TBL1XR1: variants seen among roughly 807,000 people sequenced by gnomAD.
The protein encoded by TBL1XR1 is F-box-like/WD repeat-containing protein TBL1XR1.
In TBL1XR1, 5 loss-of-function variants were observed where a neutral mutation model predicts 66.9. The ratio of observed to expected loss-of-function variants is 0.07; its 90% CI spans 0.04 to 0.16. The LOEUF is 0.16. Among genes scored for constraint, TBL1XR1 ranks in the 10% least tolerant of loss-of-function variants. TBL1XR1 has a pLI of 1.00. For missense variants in TBL1XR1, 238 were observed against 623.2 expected, an observed-to-expected ratio of 0.38 and a Z score of 6.58; for synonymous variants, 210 against 206.0, an observed-to-expected ratio of 1.02 and a Z score of -0.17.
chr3:177,065,118 G>T, intron 2 of TBL1XR1, 96 bp from the exon 3 acceptor site: 1 of 805,474 alleles, frequency 1.2e-6, no homozygotes, highest in Non-Finnish European at 1.8e-6. Context: ...ATTAAATGAT[G>T]TAAAACGAAG....
chr3:177,082,370 A>G (rs1364819557), intron 2 of TBL1XR1, among the ~76,000 whole-genome samples: 1 of 152,082 alleles, frequency 6.6e-6, no homozygotes, highest in Non-Finnish European at 1.5e-5. Context: ...GTACTTCAAA[A>G]AAAAATACCA....
upstream of TBL1XR1, among the ~76,000 whole-genome samples, chr3:177,198,051 G>A (rs1291763942): frequency 2.0e-5 from 3 of 151,918 alleles, no homozygotes; most frequent in African/African-American, 4.8e-5. Context: ...GCGGGCATGT[G>A]GGGGAGTGCG....
At chr3:177,093,616 A>C (rs937181066) in intron 2 of TBL1XR1, among the ~76,000 whole-genome samples, 1 of 152,208 alleles carries the variant, frequency 6.6e-6, no homozygotes, top group African/African-American at 2.4e-5. Flanking sequence ...TACTGGTATA[A>C]AAATAGGCAC....
At chr3:177,197,891 G>T (rs1737124565), upstream of TBL1XR1, among the ~76,000 whole-genome samples, 1 of 149,236 alleles carries the variant, frequency 6.7e-6, no homozygotes, top group South Asian at 2.1e-4. Flanking sequence ...GTGTGCTCGG[G>T]TGTGGGCCGC....
chr3:177,025,817 T>C (rs1713035743), intron 15 of TBL1XR1, among the ~76,000 whole-genome samples: 1 of 152,162 alleles, frequency 6.6e-6, no homozygotes, highest in South Asian at 2.1e-4. Flanking sequence ...CCATTTCCTA[T>C]CTATTGGACC....
chr3:177,145,999 G>C (rs545925048), intron 1 of TBL1XR1, among the ~76,000 whole-genome samples: 9 of 152,200 alleles, frequency 5.9e-5, no homozygotes, highest in Non-Finnish European at 7.3e-5. Context: ...AAGATGCAAG[G>C]ATTGCAATTC....
At position 177,116,085 on chromosome 3, in the gene TBL1XR1, G is replaced by A. The variant is rs1038101189; in HGVS notation, c.-121-17544C>T. Among the ~76,000 whole-genome samples, 4 of 152,104 alleles carry A rather than the reference G, an allele frequency of 2.6e-5. No individual in the cohort carries two copies. The South Asian group carries it at 8.3e-4, about 32-fold the overall frequency. The stretch of plus-strand genomic sequence containing the variant: ...TTCCAACCCAGGCAATAAACCTGAT[G>A]GAATTCATCACACTAAGGGCAATGG... On this transcript the variant is annotated intron_variant, in intron 1 of 15. Transcript: ENST00000457928.
intron 1 of TBL1XR1, among the ~76,000 whole-genome samples, chr3:177,144,075 G>A (rs62296585): frequency 1.7e-3 from 261 of 151,958 alleles, no homozygotes; most frequent in African/African-American, 5.8e-3. Context: ...GAGAAACCCC[G>A]TCTCTACTAA....
chr3:177,138,826 C>T (rs1577284451), intron 1 of TBL1XR1, among the ~76,000 whole-genome samples: 1 of 152,178 alleles, frequency 6.6e-6, no homozygotes, highest in Non-Finnish European at 1.5e-5. Context: ...CTTGGAAGTA[C>T]TGAAGACACC....
In TBL1XR1 at chr3:177,160,473, C is replaced by CA. The variant is rs11303033; in HGVS notation, c.-122+36647dup. ...TGGGCGACAGAGCGAGACTCTGTCTCAAAAAAAAAAAAAAAAGTATCCAAT... is the reference window on the plus strand; with the variant it reads ...TGGGCGACAGAGCGAGACTCTGTCTCAAAAAAAAAAAAAAAAAGTATCCAAT... On this transcript the variant is annotated intron_variant, in intron 1 of 15. Transcript: ENST00000457928. Among the ~76,000 whole-genome samples, 928 of 117,114 alleles carry CA rather than the reference C, an allele frequency of 7.9e-3. 3 individuals are homozygous for CA. The highest frequency in any genetic ancestry group is 0.011 in the African/African-American group (323 of 29,140). The allele number at this position is 117,114 out of a possible 152,430, so 76.8% of individuals were successfully genotyped here. A position where few individuals can be genotyped will look rare whatever the true frequency, so the allele number is the denominator to read the frequency against.
intron 10 of TBL1XR1, among the ~76,000 whole-genome samples, chr3:177,044,502 C>G (rs1048658639): frequency 1.4e-4 from 21 of 152,026 alleles, no homozygotes; most frequent in Admixed American, 6.6e-4. Flanking sequence ...AATCTAATCT[C>G]TGGGGATGGG....
chr3:177,167,734 CAGCCTGACT>C (rs1732994050), intron 1 of TBL1XR1, among the ~76,000 whole-genome samples: 1 of 152,118 alleles, frequency 6.6e-6, no homozygotes, highest in African/African-American at 2.4e-5. Flanking sequence ...AGTTCGAGAC[CAGCCTGACT>C]AACATGGAAA....
intron 1 of TBL1XR1, among the ~76,000 whole-genome samples, chr3:177,135,908 C>G (rs904219944): frequency 1.3e-5 from 2 of 151,566 alleles, no homozygotes; most frequent in Non-Finnish European, 2.9e-5. Context: ...TTGGCCTTCT[C>G]GGATTAACCC....
At chr3:177,146,228 A>G (rs1730219505) in intron 1 of TBL1XR1, among the ~76,000 whole-genome samples, 1 of 152,098 alleles carries the variant, frequency 6.6e-6, no homozygotes, top group South Asian at 2.1e-4. Flanking sequence ...TGGCTTGTAC[A>G]GCAGTACATC....
intron 1 of TBL1XR1, among the ~76,000 whole-genome samples, chr3:177,161,175 T>C (rs1195834511): frequency 6.6e-6 from 1 of 152,212 alleles, no homozygotes; most frequent in African/African-American, 2.4e-5. Flanking sequence ...CCATTTGTTA[T>C]AGTCTAATTT....
intron 14 of TBL1XR1, chr3:177,027,702 C>T (rs187193601): frequency 2.0e-5 from 3 of 152,280 alleles, no homozygotes; most frequent in East Asian, 3.9e-4. Flanking sequence ...AATGTTTGAC[C>T]GAGCTTTCCT....
At chr3:177,153,560 T>C (rs1188776937) in intron 1 of TBL1XR1, among the ~76,000 whole-genome samples, 1 of 152,176 alleles carries the variant, frequency 6.6e-6, no homozygotes, top group Non-Finnish European at 1.5e-5. Flanking sequence ...ATATGTGAAA[T>C]GCAATAATTT....
Position 177,050,143 on chromosome 3 carries a change from A to G in TBL1XR1, c.561-5T>C, listed in dbSNP as rs1407916180. ...CTTGCTGTTGAGTCTCCAGACCTATAAAAGTATGCAATATATTTTAGATCC... is the reference window on the plus strand; with the variant it reads ...CTTGCTGTTGAGTCTCCAGACCTATGAAAGTATGCAATATATTTTAGATCC... On this transcript the variant is annotated splice_polypyrimidine_tract_variant and splice_region_variant and intron_variant, in intron 6 of 15. Coordinates refer to ENST00000457928, the MANE Select transcript of TBL1XR1 (RefSeq NM_024665.7). The G allele has an allele frequency of 6.2e-7, 1 of 1,612,766 alleles. No individual in the cohort carries two copies.
intron 1 of TBL1XR1, among the ~76,000 whole-genome samples, chr3:177,189,649 CA>C (rs761647251): frequency 2.1e-3 from 93 of 45,202 alleles, no homozygotes; most frequent in African/African-American, 3.0e-3. Flanking sequence ...GACTCCATCT[CA>C]AAAAAAAAAA....
Sources: gnomAD v4.1 joint callset for allele counts (sites outside exome capture counted in the v4.1 genomes callset) on GRCh38, gnomAD v4.1.1 for gene constraint, MANE v1.5 for transcripts, NCBI Gene and HGNC (gene_info 2026-07-23, HGNC 2026-07-21) for gene names.